Variants in MDGA1 observed in about 807,000 individuals in gnomAD.
The protein encoded by MDGA1 is MAM domain-containing glycosylphosphatidylinositol anchor protein 1.
Under a neutral mutation model 101.5 loss-of-function variants are expected in MDGA1, and 54 were observed. The ratio of observed to expected loss-of-function variants is 0.53; its 90% CI spans 0.43 to 0.67. The LOEUF is 0.67. Among genes scored for constraint, MDGA1 ranks in the 30% least tolerant of loss-of-function variants. MDGA1 has a pLI of 0.00. For synonymous variants in MDGA1, 533 were observed against 558.3 expected (o/e 0.95, Z 0.64); for missense variants, 1,083 against 1,323.8 (o/e 0.82, Z 2.82).
At chr6:37,691,559 CT>C (rs1762308925) in intron 1 of MDGA1, among the ~76,000 whole-genome samples, 2 of 152,146 alleles carry the variant, frequency 1.3e-5, no homozygotes, top group Admixed American at 1.3e-4. Context: ...TACTTTCTTT[CT>C]TTATACTTTT....
At chr6:37,639,248 T>C (rs1431465288) in intron 14 of MDGA1, 1 of 152,956 alleles carries the variant, frequency 6.5e-6, no homozygotes, top group East Asian at 1.9e-4. Context: ...GTGCTCTGCA[T>C]TCCCCATGGG....
intron 14 of MDGA1, among the ~76,000 whole-genome samples, chr6:37,642,175 CTTTCT>C (rs1170875038): frequency 6.5e-5 from 6 of 92,996 alleles, no homozygotes; most frequent in Admixed American, 1.5e-4. Flanking sequence ...GTACTGGTTT[CTTTCT>C]TTTTTTTTTT....
At chr6:37,677,892 T>C (rs2114084561) in intron 1 of MDGA1, among the ~76,000 whole-genome samples, 1 of 152,212 alleles carries the variant, frequency 6.6e-6, no homozygotes, top group Admixed American at 6.5e-5. Context: ...GAGCTCCAGC[T>C]CCTGGAAAGC....
chr6:37,661,131 C>T (rs1187186694), intron 2 of MDGA1, among the ~76,000 whole-genome samples: 1 of 152,224 alleles, frequency 6.6e-6, no homozygotes, highest in African/African-American at 2.4e-5. Flanking sequence ...TGATGCCACT[C>T]TTGTTGAGTT....
intron 1 of MDGA1, among the ~76,000 whole-genome samples, chr6:37,669,759 G>A (rs1219819263): frequency 6.6e-6 from 1 of 152,152 alleles, no homozygotes; most frequent in Non-Finnish European, 1.5e-5. Flanking sequence ...ACCATGACAC[G>A]ATCCTTTCAC....
chr6:37,686,717 G>A (rs1032521322), intron 1 of MDGA1, among the ~76,000 whole-genome samples: 1 of 152,182 alleles, frequency 6.6e-6, no homozygotes, highest in Admixed American at 6.5e-5. Context: ...GTGAGTCACT[G>A]AGCCTAGCCA....
intron 1 of MDGA1, among the ~76,000 whole-genome samples, chr6:37,679,498 G>A (rs1762048743): frequency 6.6e-6 from 1 of 152,158 alleles, no homozygotes. Context: ...AAAGGAAAAT[G>A]GGAGGAGGAC....
chr6:37,679,895 C>T (rs1056600983), intron 1 of MDGA1, among the ~76,000 whole-genome samples: 42 of 152,208 alleles, frequency 2.8e-4, no homozygotes, highest in Admixed American at 2.6e-3. Flanking sequence ...AGACCTCCAC[C>T]CCAGGTCTGT....
intron 1 of MDGA1, among the ~76,000 whole-genome samples, chr6:37,695,962 C>A (rs1339437131): frequency 6.6e-6 from 1 of 152,144 alleles, no homozygotes; most frequent in Non-Finnish European, 1.5e-5. Context: ...AAGGGGTAAC[C>A]AGAGTCTCCC....
intron 12 of MDGA1, among the ~76,000 whole-genome samples, chr6:37,645,371 T>TA (rs748681627): frequency 6.6e-6 from 1 of 151,932 alleles, no homozygotes; most frequent in Non-Finnish European, 1.5e-5. Flanking sequence ...CCATCTCTAT[T>TA]AAAAACACAA....
intron 1 of MDGA1, among the ~76,000 whole-genome samples, chr6:37,686,908 TG>T (rs1445295153): frequency 6.6e-6 from 1 of 152,166 alleles, no homozygotes; most frequent in Non-Finnish European, 1.5e-5. Context: ...CAAACAGGCC[TG>T]GGGGGTCCTT....
chr6:37,643,915 C>T lies in MDGA1; in HGVS notation c.2430G>A (p.Arg810=), dbSNP rs1764155130. The T allele has an allele frequency of 5.0e-6, 8 of 1,613,852 alleles. No individual in the cohort carries two copies. Among genetic ancestry groups the T allele is most frequent in the Non-Finnish European group, 6.8e-6 (8 of 1,179,876 alleles). Residue 810 remains arginine, a synonymous_variant, in exon 14 of 17, where the codon AGG becomes AGA. Transcript: ENST00000434837. ...TTGCACGGTCCCCCAGCTCCCGAGG[C>T]CTCGATGTCTCGATGAACATGTAGT... The part of the protein sequence containing the change: ...EGYYMFIETS[R]PRELGDRARL...
intron 12 of MDGA1, 91 bp downstream of exon 12, chr6:37,645,842 T>A: frequency 6.9e-7 from 1 of 1,443,160 alleles, no homozygotes; most frequent in Non-Finnish European, 9.7e-7. Flanking sequence ...TCTCTGACTA[T>A]CTCAAGGATA....
Position 37,671,683 on chromosome 6 carries a change from A to C in MDGA1, c.68-7577T>G, listed in dbSNP as rs575716201. ...TAAGACAAACTCCAACCTGCCAACT[A>C]AGGGTCCAAAGAGAATTCTCACTGT... On this transcript the variant is annotated intron_variant, in intron 1 of 16. Transcript: ENST00000434837. Among the ~76,000 whole-genome samples the C allele has an allele frequency of 8.1e-4, 123 of 152,298 alleles. 1 individual carries two copies. The highest frequency in any genetic ancestry group is 7.2e-4 in the Non-Finnish European group (49 of 68,028).
At chr6:37,658,135 G>T in intron 3 of MDGA1, 110 bp downstream of exon 3, 2 of 1,278,118 alleles carry the variant, frequency 1.6e-6, no homozygotes, top group Non-Finnish European at 2.1e-6. Context: ...ACCAAGGTCA[G>T]CTTCTCCGTT....
chr6:37,653,025 A>G (rs1264517917), intron 6 of MDGA1, among the ~76,000 whole-genome samples: 1 of 152,220 alleles, frequency 6.6e-6, no homozygotes, highest in East Asian at 1.9e-4. Context: ...GGAAAGAAAA[A>G]GGTCTGGCCT....
intron 13 of MDGA1, 45 bp from the exon 14 acceptor site, chr6:37,643,988 G>A: frequency 6.2e-7 from 1 of 1,606,786 alleles, no homozygotes; most frequent in Non-Finnish European, 8.5e-7. Context: ...AAGACAGCCA[G>A]GCCTCTTCCT....
At chr6:37,685,256 C>T (rs895704802) in intron 1 of MDGA1, among the ~76,000 whole-genome samples, 13 of 151,946 alleles carry the variant, frequency 8.6e-5, no homozygotes, top group African/African-American at 2.9e-4. Context: ...GGTGCCACTG[C>T]ACTCCAGCCT....
At chr6:37,653,198 T>C (rs1761408387) in intron 6 of MDGA1, among the ~76,000 whole-genome samples, 1 of 152,156 alleles carries the variant, frequency 6.6e-6, no homozygotes, top group Non-Finnish European at 1.5e-5. Flanking sequence ...CCATAAGTAT[T>C]TGATGTAAAT....
Sources: gnomAD v4.1 joint callset for allele counts (sites outside exome capture counted in the v4.1 genomes callset) on GRCh38, gnomAD v4.1.1 for gene constraint, MANE v1.5 for transcripts, NCBI Gene and HGNC (gene_info 2026-07-23, HGNC 2026-07-21) for gene names.